RPRD2: variants seen among roughly 807,000 people sequenced by gnomAD.
RPRD2 encodes regulation of nuclear pre-mRNA domain containing 2.
RPRD2 carries 12 observed loss-of-function variants against 104.4 expected under a neutral mutation model. The observed-to-expected ratio is 0.11, with a 90% CI of 0.07 to 0.19. The LOEUF is 0.19. Among genes scored for constraint, RPRD2 ranks in the 10% least tolerant of loss-of-function variants. The pLI is 1.00. For synonymous variants in RPRD2, 714 were observed against 684.9 expected (o/e 1.04, Z -0.66); for missense variants, 1,543 against 1,790.1 (o/e 0.86, Z 2.49).
At chr1:150,413,619 T>G (rs1282066354) in intron 1 of RPRD2, among the ~76,000 whole-genome samples, 1 of 138,320 alleles carries the variant, frequency 7.2e-6, no homozygotes, top group Non-Finnish European at 1.6e-5. Flanking sequence ...ATAAATAAAT[T>G]ACAATAAAAT....
chr1:150,368,660 C>T (rs939641958), intron 1 of RPRD2, among the ~76,000 whole-genome samples: 26 of 152,014 alleles, frequency 1.7e-4, no homozygotes, highest in Non-Finnish European at 3.4e-4. Flanking sequence ...CGCAGGGTTT[C>T]ACCATGTTGG....
Position 150,471,749 on chromosome 1 carries a change from A to T in RPRD2, c.2801A>T (p.Asn934Ile), listed in dbSNP as rs1451785892. 1.9e-6 allele frequency: 3 copies of T among 1,613,912 alleles called. No individual in the cohort carries two copies. Among genetic ancestry groups the T allele is most frequent in the Non-Finnish European group, 2.5e-6 (3 of 1,179,872 alleles). The change falls in exon 11 of 11, where the codon AAT becomes ATT. Residue 934 changes from asparagine to isoleucine, a missense_variant. Around this residue, in one of 4 missense-constraint regions of RPRD2, gnomAD observed 880 missense variants for 885.6 expected, o/e 0.99. Transcript: ENST00000369068. The surrounding 1 kb of genome is among the most constrained non-coding windows in gnomAD (Gnocchi z 5.3). ...GSDRSPSPSK[N>I]DSFFTPDSNH... Reference sequence around the variant, plus strand: ...GACCGGTCACCATCACCGAGTAAGAATGATTCATTTTTCACCCCTGACTCC... The same window carrying T: ...GACCGGTCACCATCACCGAGTAAGATTGATTCATTTTTCACCCCTGACTCC...
chr1:150,371,994 TA>T (rs139695901), intron 1 of RPRD2, among the ~76,000 whole-genome samples: 2,457 of 152,178 alleles, frequency 0.016, 55 homozygotes, highest in African/African-American at 0.055. Flanking sequence ...TTTGATTAAT[TA>T]AAAAAAGGGA....
At chr1:150,406,851 A>G (rs961527758) in intron 1 of RPRD2, among the ~76,000 whole-genome samples, 1 of 152,040 alleles carries the variant, frequency 6.6e-6, no homozygotes, top group African/African-American at 2.4e-5. Context: ...AGTAGCTGGG[A>G]TTACAAGCAT....
intron 1 of RPRD2, among the ~76,000 whole-genome samples, chr1:150,402,709 G>A (rs146927482): frequency 0.015 from 2,316 of 152,208 alleles, 63 homozygotes; most frequent in African/African-American, 0.051. Flanking sequence ...GCTCACGCCT[G>A]TAATCCCAGC....
Position 150,472,233 on chromosome 1 carries a change from TAGG to T in RPRD2, c.3290_3292del (p.Arg1097del), listed in dbSNP as rs760316415. The T allele has an allele frequency of 1.2e-6, 2 of 1,613,678 alleles. No homozygotes were observed. The highest frequency in any genetic ancestry group is 2.7e-5 in the African/African-American group (2 of 74,868). On this transcript the variant is annotated inframe_deletion, in exon 11 of 11. Coordinates refer to ENST00000369068, the MANE Select transcript of RPRD2 (RefSeq NM_015203.5). ...CCTTGGGTTATCACAGTGCATCCAA[TAGG>T]AGGATGTCAGGGGAGCCGATCCAGA...
At chr1:150,444,198 T>G in intron 5 of RPRD2, 53 bp from the exon 6 acceptor site, 12 of 1,548,096 alleles carry the variant, frequency 7.8e-6, no homozygotes, top group Non-Finnish European at 9.7e-6. Context: ...AGAGAGAGAA[T>G]GAGAATAATT....
chr1:150,464,808 A>C, intron 10 of RPRD2, 81 bp downstream of exon 10: 1 of 948,464 alleles, frequency 1.1e-6, no homozygotes, highest in Non-Finnish European at 1.6e-6. Context: ...ATTTCTGATG[A>C]ATCCAGAGCC....
intron 1 of RPRD2, among the ~76,000 whole-genome samples, chr1:150,369,623 ATT>A (rs61016870): frequency 2.6e-4 from 18 of 68,866 alleles, no homozygotes; most frequent in African/African-American, 3.4e-4. Context: ...CGCCCAGCTA[ATT>A]TTTTTTTTTT....
At chr1:150,387,566 CCTTTTTTTTTTTTTTTTTTT>C (rs1387191427) in intron 1 of RPRD2, among the ~76,000 whole-genome samples, 824 of 70,108 alleles carry the variant, frequency 0.012, 27 homozygotes, top group Middle Eastern at 0.037. Flanking sequence ...TTGCAACAGA[CCTTTTTTTTTTTTTTTTTTT>C]TTTTTTTTTT....
At chr1:150,437,652 T>C (rs1666098027) in intron 2 of RPRD2, among the ~76,000 whole-genome samples, 1 of 152,104 alleles carries the variant, frequency 6.6e-6, no homozygotes, top group South Asian at 2.1e-4. Context: ...TTGTCAGGGC[T>C]CACTGCAGAC....
chr1:150,444,415 T>A, intron 6 of RPRD2, 38 bp downstream of exon 6: 1 of 1,595,898 alleles, frequency 6.3e-7, no homozygotes, highest in Non-Finnish European at 8.5e-7. Context: ...TCAGATTTTC[T>A]TTCCATATGT....
At chr1:150,401,860 G>A (rs1490425756) in intron 1 of RPRD2, among the ~76,000 whole-genome samples, 1 of 151,750 alleles carries the variant, frequency 6.6e-6, no homozygotes. Context: ...AGCCAGGAAG[G>A]TCTTGATCTC....
At chr1:150,394,053 T>C (rs868992694) in intron 1 of RPRD2, among the ~76,000 whole-genome samples, 5 of 152,174 alleles carry the variant, frequency 3.3e-5, no homozygotes, top group African/African-American at 1.2e-4. Context: ...TGTTTTCTTC[T>C]CTTTTCTTTT....
rs1668852148 is a variant in RPRD2, at chr1:150,475,567, T to C, written c.*2233T>C. The C allele has an allele frequency of 1.3e-5, 2 of 152,622 alleles. No individual in the cohort carries two copies. The highest frequency in any genetic ancestry group is 1.3e-4 in the Admixed American group (2 of 15,266). 9.5% of individuals were successfully genotyped at this position (152,622 alleles called of 1,614,324 possible). A position where few individuals can be genotyped will look rare whatever the true frequency, so the allele number is the denominator to read the frequency against. ...GGTGGGCTTTTAAGGAGTTGGGTTTTTGTGGGGTACTTTTTTGTTTTTTAA... is the reference window on the plus strand; with the variant it reads ...GGTGGGCTTTTAAGGAGTTGGGTTTCTGTGGGGTACTTTTTTGTTTTTTAA... On this transcript the variant is annotated 3_prime_UTR_variant, in exon 11 of 11. Coordinates refer to ENST00000369068, the MANE Select transcript of RPRD2 (RefSeq NM_015203.5).
intron 7 of RPRD2, among the ~76,000 whole-genome samples, chr1:150,450,047 T>A (rs1290042341): frequency 6.6e-6 from 1 of 152,206 alleles, no homozygotes; most frequent in Non-Finnish European, 1.5e-5. Flanking sequence ...TATCTATGAT[T>A]AAACCAAACC....
At chr1:150,452,253 A>G (rs1262581378) in intron 7 of RPRD2, among the ~76,000 whole-genome samples, 3 of 152,204 alleles carry the variant, frequency 2.0e-5, no homozygotes, top group African/African-American at 7.2e-5. Flanking sequence ...CTACAAGCCA[A>G]AAACATCAAG....
chr1:150,401,795 C>G (rs1486557798), intron 1 of RPRD2, among the ~76,000 whole-genome samples: 1 of 151,278 alleles, frequency 6.6e-6, no homozygotes, highest in East Asian at 2.0e-4. Context: ...AGGCACCCGC[C>G]ACCACGCCCG....
intron 1 of RPRD2, among the ~76,000 whole-genome samples, chr1:150,380,164 CT>C (rs1244813581): frequency 2.0e-5 from 3 of 152,150 alleles, no homozygotes; most frequent in Non-Finnish European, 2.9e-5. Flanking sequence ...TAAACTATCA[CT>C]TTATTAAAAA....
Sources: allele counts gnomAD v4.1 joint callset (sites outside exome capture counted in the v4.1 genomes callset), GRCh38; gene constraint gnomAD v4.1.1; regional missense constraint gnomAD v4.1.1; non-coding constraint Gnocchi (gnomAD v3.1); transcripts MANE v1.5; gene names NCBI Gene and HGNC (gene_info 2026-07-23, HGNC 2026-07-21).